DENND4C: variants seen among roughly 807,000 people sequenced by gnomAD.
DENND4C encodes the protein DENN domain-containing protein 4C.
DENND4C carries 108 observed loss-of-function variants against 203.0 expected under a neutral mutation model. The observed-to-expected ratio is 0.53, with a 90% CI of 0.46 to 0.62. The LOEUF is 0.62. Among genes scored for constraint, DENND4C ranks in the 20% least tolerant of loss-of-function variants. DENND4C has a pLI of 0.00. For synonymous variants in DENND4C, 871 were observed against 792.4 expected (o/e 1.10, Z -1.67); for missense variants, 2,481 against 2,301.2 (o/e 1.08, Z -1.60).
intron 1 of DENND4C, among the ~76,000 whole-genome samples, chr9:19,241,873 G>T (rs1370507589): frequency 6.6e-6 from 1 of 151,274 alleles, no homozygotes; most frequent in East Asian, 1.9e-4. Flanking sequence ...GTAAGTAGAA[G>T]GAGTGCACTC....
At position 19,346,038 on chromosome 9, in the gene DENND4C, C is replaced by T. The variant is rs560289315; in HGVS notation, c.3269C>T (p.Pro1090Leu). Reference sequence around the variant, plus strand: ...GGAGAAAAAAGACAAAAGCATTTTCCTGAGAGGAGTTGTAGTTTTAGTTCT... The same window carrying T: ...GGAGAAAAAAGACAAAAGCATTTTCTTGAGAGGAGTTGTAGTTTTAGTTCT... Reference protein sequence around the residue: ...DRGEKRQKHFPERSCSFSSES... With the variant: ...DRGEKRQKHFLERSCSFSSES... The change falls in exon 23 of 33, where the codon CCT (proline) becomes CTT (leucine). Residue 1090 changes from proline (P) to leucine (L), a missense_variant. By Grantham distance (98) the Pro-to-Leu change is moderately conservative. Transcript: ENST00000434457. 1.2e-6 allele frequency: 2 copies of T among 1,613,968 alleles called. No homozygotes were observed. Among genetic ancestry groups the T allele is most frequent in the East Asian group, 2.2e-5 (1 of 44,900 alleles).
At position 19,332,019 on chromosome 9, in the gene DENND4C, A is replaced by G. The variant is rs779389836; in HGVS notation, c.2295A>G (p.Thr765=). The change falls in exon 17 of 33, where the codon ACA becomes ACG. Residue 765 remains threonine (T), a synonymous_variant. Transcript: ENST00000434457. Reference sequence around the variant, plus strand: ...ATAAATTGGCGAAGAGATGTTATACAAATCCACCACAGTGGGCCAAGTGTC... The same window carrying G: ...ATAAATTGGCGAAGAGATGTTATACGAATCCACCACAGTGGGCCAAGTGTC... ...TAHKLAKRCY[T]NPPQWAKCLF... 6.2e-7 allele frequency: 1 copy of G among 1,614,026 alleles called. No homozygotes were observed. The highest frequency in any genetic ancestry group is 8.5e-7 in the Non-Finnish European group (1 of 1,179,978).
intron 1 of DENND4C, among the ~76,000 whole-genome samples, chr9:19,237,985 G>C (rs1432203489): frequency 2.0e-5 from 3 of 152,024 alleles, no homozygotes; most frequent in South Asian, 2.1e-4. Flanking sequence ...GACAGTTCTG[G>C]AAAGTAGAAA....
intron 1 of DENND4C, among the ~76,000 whole-genome samples, chr9:19,235,351 A>T (rs1253355988): frequency 2.0e-5 from 3 of 152,230 alleles, no homozygotes; most frequent in Non-Finnish European, 4.4e-5. Context: ...CTGAATTGAA[A>T]CAAGGTGAAA....
intron 9 of DENND4C, 148 bp from the exon 10 acceptor site, chr9:19,305,204 T>C: frequency 1.6e-6 from 1 of 627,468 alleles, no homozygotes; most frequent in East Asian, 2.8e-5. Flanking sequence ...AGTAGTATTT[T>C]ATAGTCATTT....
chr9:19,259,921 A>C (rs1202275423), intron 1 of DENND4C, among the ~76,000 whole-genome samples: 1 of 152,180 alleles, frequency 6.6e-6, no homozygotes, highest in Non-Finnish European at 1.5e-5. Context: ...TGCAATAAAC[A>C]TGGGAGTGTC....
At position 19,299,249 on chromosome 9, in the gene DENND4C, A is replaced by G; in HGVS notation, c.1128A>G (p.Leu376=). 1 of 1,585,608 alleles carries G rather than the reference A, an allele frequency of 6.3e-7. No individual in the cohort carries two copies. The highest frequency in any genetic ancestry group is 8.6e-7 in the Non-Finnish European group (1 of 1,169,284). ...TTAAGCTGTCAGTCCATGATGCATT[A>G]ATATTATCACAGCCAGTTTCTACAC... is the stretch of plus-strand genomic sequence containing the variant. ...ILVQLSVHDA[L]ILSQPVSTPL... Residue 376 remains leucine, a synonymous_variant, in exon 8 of 33, where the codon TTA becomes TTG. Coordinates refer to ENST00000434457, the MANE Select transcript of DENND4C (RefSeq NM_001330640.2).
chr9:19,233,437 T>G (rs559378110), intron 1 of DENND4C, among the ~76,000 whole-genome samples: 1 of 152,200 alleles, frequency 6.6e-6, no homozygotes. Flanking sequence ...ATTCCAAAAT[T>G]AGGCAGTTTT....
intron 12 of DENND4C, among the ~76,000 whole-genome samples, chr9:19,322,355 G>A (rs1843015736): frequency 6.6e-6 from 1 of 152,120 alleles, no homozygotes; most frequent in Admixed American, 6.5e-5. Context: ...AAAGACAAAA[G>A]AGCAGAGGGG....
chr9:19,274,041 G>A (rs907785508), intron 1 of DENND4C, among the ~76,000 whole-genome samples: 10 of 151,798 alleles, frequency 6.6e-5, no homozygotes, highest in African/African-American at 2.2e-4. Flanking sequence ...TAAACATTGT[G>A]GTATATTCAT....
intron 1 of DENND4C, among the ~76,000 whole-genome samples, chr9:19,262,158 C>T (rs994230029): frequency 3.1e-5 from 4 of 128,600 alleles, no homozygotes; most frequent in African/African-American, 1.2e-4. Context: ...GTGATCTCAG[C>T]TTACTGCAAC....
chr9:19,232,612 A>G (rs764148451), intron 1 of DENND4C, among the ~76,000 whole-genome samples: 2 of 152,188 alleles, frequency 1.3e-5, no homozygotes, highest in Non-Finnish European at 2.9e-5. Flanking sequence ...TAAATACAGT[A>G]TTTTGTAGTA....
At chr9:19,364,412 C>T (rs543927159) in intron 30 of DENND4C, among the ~76,000 whole-genome samples, 2 of 152,146 alleles carry the variant, frequency 1.3e-5, no homozygotes, top group African/African-American at 2.4e-5. Flanking sequence ...AATTGCAGTT[C>T]GAGAACTCTG....
At position 19,353,731 on chromosome 9, in the gene DENND4C, G is replaced by A. The variant is rs547274858; in HGVS notation, c.4781+1066G>A. ...GCAGATCACTTGAGGTCAGGAGTTCGAGACCAGCCTGGGCAACATGGCAAA... is the reference window on the plus strand; with the variant it reads ...GCAGATCACTTGAGGTCAGGAGTTCAAGACCAGCCTGGGCAACATGGCAAA... On this transcript the variant is annotated intron_variant, in intron 26 of 32. Transcript: ENST00000434457. 2.0e-4 allele frequency among the ~76,000 whole-genome samples: 31 copies of A among 152,070 alleles called. No homozygotes were observed. The East Asian group carries it at 5.6e-3, about 27-fold the overall frequency.
intron 30 of DENND4C, among the ~76,000 whole-genome samples, chr9:19,362,230 T>C (rs749330146): frequency 1.2e-4 from 18 of 152,106 alleles, no homozygotes; most frequent in Admixed American, 4.6e-4. Context: ...GCTGAGATCA[T>C]GCCACTGCAC....
chr9:19,251,147 C>A (rs1444077916), intron 1 of DENND4C, among the ~76,000 whole-genome samples: 1 of 152,248 alleles, frequency 6.6e-6, no homozygotes, highest in Non-Finnish European at 1.5e-5. Context: ...CAGGCATTTC[C>A]ATACATCCTC....
intron 1 of DENND4C, among the ~76,000 whole-genome samples, chr9:19,274,399 G>T (rs1045598844): frequency 1.3e-5 from 2 of 151,732 alleles, no homozygotes; most frequent in African/African-American, 4.8e-5. Context: ...GGGTTCAAGC[G>T]ATTCTCCTGC....
At chr9:19,240,583 T>C (rs1205109613) in intron 1 of DENND4C, among the ~76,000 whole-genome samples, 2 of 151,842 alleles carry the variant, frequency 1.3e-5, no homozygotes, top group African/African-American at 4.8e-5. Context: ...GGAGAATCAC[T>C]TGAACCTGGG....
At chr9:19,334,514 T>TG (rs1819986976) in intron 17 of DENND4C, among the ~76,000 whole-genome samples, 1 of 151,052 alleles carries the variant, frequency 6.6e-6, no homozygotes, top group Non-Finnish European at 1.5e-5. Context: ...GGTTTGTTTT[T>TG]GGGTTTTTTT....
Sources: allele counts gnomAD v4.1 joint callset (sites outside exome capture counted in the v4.1 genomes callset), GRCh38; gene constraint gnomAD v4.1.1; transcripts MANE v1.5; gene names NCBI Gene and HGNC (gene_info 2026-07-23, HGNC 2026-07-21).